Variants in FOXN3 observed in about 807,000 individuals in gnomAD.
The protein encoded by FOXN3 is forkhead box protein N3.
FOXN3 carries 7 observed loss-of-function variants against 38.4 expected under a neutral mutation model. The observed-to-expected ratio is 0.18, with a 90% confidence interval of 0.10 to 0.34. The LOEUF (loss-of-function observed/expected upper bound fraction) is 0.34, where lower values mean the gene tolerates loss of function less well. Ranked by LOEUF, FOXN3 falls within the 10% of genes least tolerant of loss-of-function variation. FOXN3 has a pLI of 1.00. For synonymous variants in FOXN3, 230 were observed against 242.2 expected, an observed-to-expected ratio of 0.95 and a Z score of 0.47; for missense variants, 456 against 613.4, an observed-to-expected ratio of 0.74 and a Z score of 2.71.
chr14:89,348,343 C>T (rs1400583559), intron 3 of FOXN3, among the ~76,000 whole-genome samples: 1 of 152,126 alleles, frequency 6.6e-6, no homozygotes, highest in East Asian at 1.9e-4. Flanking sequence ...TCCATCTTCT[C>T]TAGGTCATGT....
chr14:89,243,298 C>A (rs1885193973), intron 4 of FOXN3, among the ~76,000 whole-genome samples: 1 of 152,198 alleles, frequency 6.6e-6, no homozygotes, highest in Non-Finnish European at 1.5e-5. Context: ...AATAAGCAAG[C>A]ATTTACAACA....
chr14:89,177,840 G>A (rs1182278607), intron 5 of FOXN3, among the ~76,000 whole-genome samples: 2 of 152,148 alleles, frequency 1.3e-5, no homozygotes, highest in African/African-American at 4.8e-5. Context: ...ACGCAAAGGT[G>A]AGTTTCAGCT....
At chr14:89,417,324 G>C (rs946063436), upstream of FOXN3, 1 of 147,782 alleles carries the variant, frequency 6.8e-6, no homozygotes, top group East Asian at 2.0e-4. Context: ...AAGGGAAAAC[G>C]TGGGCCTGGC....
chr14:89,308,830 G>C (rs1222577351), intron 3 of FOXN3, among the ~76,000 whole-genome samples: 1 of 152,192 alleles, frequency 6.6e-6, no homozygotes, highest in Non-Finnish European at 1.5e-5. Context: ...TGAACAAATG[G>C]AAGGAGGCAG....
At chr14:89,433,629 T>G (rs1280922244) in intron 1 of FOXN3, among the ~76,000 whole-genome samples, 5 of 151,756 alleles carry the variant, frequency 3.3e-5, no homozygotes, top group African/African-American at 1.2e-4. Context: ...ACGATGAAAC[T>G]CTGTCTCTAC....
intron 3 of FOXN3, among the ~76,000 whole-genome samples, chr14:89,314,598 A>T (rs1307267689): frequency 6.6e-6 from 1 of 152,252 alleles, no homozygotes. Flanking sequence ...TTCATTCAAC[A>T]AAGACTTCTT....
chr14:89,336,823 T>C (rs1389854417), intron 3 of FOXN3, among the ~76,000 whole-genome samples: 2 of 152,228 alleles, frequency 1.3e-5, no homozygotes, highest in Admixed American at 6.5e-5. Flanking sequence ...CGGATGGAAA[T>C]AGATTTTTGT....
intron 2 of FOXN3, among the ~76,000 whole-genome samples, chr14:89,352,970 AG>A (rs1333909517): frequency 6.6e-6 from 1 of 152,222 alleles, no homozygotes; most frequent in African/African-American, 2.4e-5. Context: ...AGCTGGGGCA[AG>A]AACAGTGAAA....
intron 1 of FOXN3, among the ~76,000 whole-genome samples, chr14:89,502,720 C>G (rs542654224): frequency 1.3e-5 from 2 of 152,058 alleles, no homozygotes; most frequent in East Asian, 3.9e-4. Flanking sequence ...TAATAAGTGT[C>G]GGGGGGAAAG....
At chr14:89,609,375 G>A (rs1015846854) in intron 1 of FOXN3, among the ~76,000 whole-genome samples, 4 of 152,106 alleles carry the variant, frequency 2.6e-5, no homozygotes, top group Admixed American at 6.5e-5. Flanking sequence ...GCTAATTTTT[G>A]TATTTTTTGT....
intron 1 of FOXN3, among the ~76,000 whole-genome samples, chr14:89,505,947 C>A (rs1893916004): frequency 6.8e-6 from 1 of 147,894 alleles, no homozygotes; most frequent in Non-Finnish European, 1.5e-5. Context: ...AGTGAGGAGA[C>A]CCTCTGCCTG....
In FOXN3 at chr14:89,350,908, C is replaced by T. The variant is rs560467494; in HGVS notation, c.544-100G>A. ...ATTATCACTTCTTTATTTTTAAAAG[C>T]TTCTCATTTGTTGACTGTTTGCCAG... On this transcript the variant is annotated intron_variant, in intron 2 of 5. Transcript: ENST00000557258. 1.4e-4 allele frequency: 129 copies of T among 935,668 alleles called. 2 individuals are homozygous for T. The South Asian group carries it at 3.3e-3, about 24-fold the overall frequency. The allele number at this position is 935,668 out of a possible 1,614,324, so 58.0% of individuals were successfully genotyped here.
At chr14:89,601,306 G>A (rs535247743) in intron 1 of FOXN3, among the ~76,000 whole-genome samples, 1 of 152,218 alleles carries the variant, frequency 6.6e-6, no homozygotes, top group East Asian at 1.9e-4. Flanking sequence ...CCAAAACACA[G>A]GCTTTATCAG....
intron 2 of FOXN3, among the ~76,000 whole-genome samples, chr14:89,366,018 G>A (rs562265688): frequency 3.7e-4 from 56 of 152,252 alleles, no homozygotes; most frequent in Non-Finnish European, 7.6e-4. Flanking sequence ...TTGGGAGGCC[G>A]AGGCGGGTGG....
intron 1 of FOXN3, among the ~76,000 whole-genome samples, chr14:89,587,608 C>CT (rs1895867272): frequency 6.6e-6 from 1 of 152,158 alleles, no homozygotes; most frequent in African/African-American, 2.4e-5. Context: ...TGGCTCATGC[C>CT]TGTAATCCAA....
intron 4 of FOXN3, among the ~76,000 whole-genome samples, chr14:89,198,337 C>T (rs1448650976): frequency 6.6e-6 from 1 of 152,196 alleles, no homozygotes; most frequent in Non-Finnish European, 1.5e-5. Context: ...AAATACTACA[C>T]TGTTTTATAT....
At chr14:89,173,937 G>A (rs953105616) in intron 5 of FOXN3, among the ~76,000 whole-genome samples, 1 of 152,178 alleles carries the variant, frequency 6.6e-6, no homozygotes, top group African/African-American at 2.4e-5. Context: ...AGGCTGCAGT[G>A]AGCCGTGATT....
chr14:89,274,265 G>A (rs992169085), intron 4 of FOXN3, among the ~76,000 whole-genome samples: 3 of 152,228 alleles, frequency 2.0e-5, no homozygotes, highest in Non-Finnish European at 4.4e-5. Context: ...ATATCAGACA[G>A]TGACACTGAA....
rs543662132 is a variant in FOXN3, at chr14:89,488,176, T to C, written c.-14-75686A>G. Among the ~76,000 whole-genome samples, 4 of 151,398 alleles carry C rather than the reference T, an allele frequency of 2.6e-5. No homozygotes were observed. The South Asian group carries it at 8.3e-4, about 32-fold the overall frequency. On this transcript the variant is annotated intron_variant, in intron 1 of 6. Coordinates refer to the FOXN3 transcript ENST00000345097. Reference sequence around the variant, plus strand: ...CAGCTCACTGCAACCTCTGCCTCCCTGGTTCAAGCGATTCTCCTGCCTCAG... The same window carrying C: ...CAGCTCACTGCAACCTCTGCCTCCCCGGTTCAAGCGATTCTCCTGCCTCAG...
Sources: allele counts gnomAD v4.1 joint callset (sites outside exome capture counted in the v4.1 genomes callset), GRCh38; gene constraint gnomAD v4.1.1; transcripts MANE v1.5; gene names NCBI Gene and HGNC (gene_info 2026-07-23, HGNC 2026-07-21).